UPK2: variants seen among roughly 807,000 people sequenced by gnomAD.
The protein encoded by UPK2 is uroplakin 2, also known as uroplakin-2.
In UPK2, 19 loss-of-function variants were observed where a neutral mutation model predicts 14.8. The ratio of observed to expected loss-of-function variants is 1.29; its 90% CI spans 0.90 to 1.89. The LOEUF is 1.89. Among genes scored for constraint, UPK2 ranks in the 40% most tolerant of loss-of-function variants. The probability of loss-of-function intolerance (pLI) is 0.00; values close to 1 mark genes in which losing one functional copy is unlikely to be tolerated. For missense variants in UPK2, 232 were observed against 236.0 expected (o/e 0.98, Z 0.11); for synonymous variants, 102 against 101.6 (o/e 1.00, Z -0.02).
intron 3 of UPK2, 95 bp from the exon 4 acceptor site, chr11:118,957,503 A>C: frequency 6.4e-7 from 1 of 1,550,940 alleles, no homozygotes; most frequent in Non-Finnish European, 8.9e-7. Context: ...TAGGGGAGAC[A>C]CAGCTGTGAG....
Position 118,957,306 on chromosome 11 carries a change from G to T in UPK2, c.307G>T (p.Ala103Ser), listed in dbSNP as rs1270419344. ...GAGFTVTRLS[A>S]YQVTNLVPGT... ...TGGCTTCACAGTCACTCGGCTCAGT[G>T]CATACCAGGTGACAAACCTCGTGCC... is the stretch of plus-strand genomic sequence containing the variant. Residue 103 changes from alanine (A) to serine (S), a missense_variant, in exon 3 of 5, where the codon GCA (alanine) becomes TCA (serine). Transcript: ENST00000264031. 6.2e-7 allele frequency: 1 copy of T among 1,614,142 alleles called. No individual in the cohort carries two copies.
rs917074372 is a variant in UPK2 at position 118,956,638 on chromosome 11, C to T, written c.76+212C>T. ...AGGTGTGGGCAAGGATCCGATGCTG[C>T]GGGGAGGGGTGAGGTTGGGCGCTGC... is the stretch of plus-strand genomic sequence containing the variant. On this transcript the variant is annotated intron_variant, in intron 1 of 4. Coordinates refer to ENST00000264031, the MANE Select transcript of UPK2 (RefSeq NM_006760.4). The surrounding 1 kb of genome is among the most constrained non-coding windows in gnomAD (Gnocchi z 4.1). Among the ~76,000 whole-genome samples the T allele has an allele frequency of 2.6e-5, 4 of 152,094 alleles. No individual in the cohort carries two copies. The highest frequency in any genetic ancestry group is 6.5e-5 in the Admixed American group (1 of 15,268).
chr11:118,956,825 A>G lies in UPK2; in HGVS notation c.77-58A>G. 1 of 1,608,358 alleles carries G rather than the reference A, an allele frequency of 6.2e-7. No homozygotes were observed. On this transcript the variant is annotated intron_variant, in intron 1 of 4. Coordinates refer to ENST00000264031, the MANE Select transcript of UPK2 (RefSeq NM_006760.4). This position sits in a 1 kb window ranked among gnomAD's most constrained non-coding sequence, Gnocchi z 4.1. Reference sequence around the variant, plus strand: ...GAGATGGCTCCAATGGGACCGGGCCAGATCTGTTGGCCAGGAGGGGTCAGT... The same window carrying G: ...GAGATGGCTCCAATGGGACCGGGCCGGATCTGTTGGCCAGGAGGGGTCAGT...
chr11:118,956,381 C>A lies in UPK2; in HGVS notation c.31C>A (p.Pro11Thr). 1 of 1,611,402 alleles carries A rather than the reference C, an allele frequency of 6.2e-7. No individual in the cohort carries two copies. The highest frequency in any genetic ancestry group is 8.5e-7 in the Non-Finnish European group (1 of 1,179,980). The change falls in exon 1 of 5, where the codon CCC becomes ACC. Residue 11 changes from proline to threonine, a missense_variant. Transcript: ENST00000264031. The surrounding 1 kb of genome is among the most constrained non-coding windows in gnomAD (Gnocchi z 4.1). Reference sequence around the variant, plus strand: ...ACCCCTGCTGCCCATCCGGACCTTGCCCTTGATCCTGATTCTGCTGGCTCT... The same window carrying A: ...ACCCCTGCTGCCCATCCGGACCTTGACCTTGATCCTGATTCTGCTGGCTCT... MAPLLPIRTLPLILILLALLS... is the reference protein window; with the variant it reads MAPLLPIRTLTLILILLALLS...
chr11:118,957,597 G>T lies in UPK2; in HGVS notation c.348-1G>T. 6.2e-7 allele frequency: 1 copy of T among 1,614,146 alleles called. No homozygotes were observed. The highest frequency in any genetic ancestry group is 1.3e-5 in the African/African-American group (1 of 75,024). On this transcript the variant is annotated splice_acceptor_variant, in intron 3 of 4. Coordinates refer to ENST00000264031, the MANE Select transcript of UPK2 (RefSeq NM_006760.4). LOFTEE classifies it high-confidence loss of function. ...CTCTACTCTCTCCCAAACCACAAAA[G>T]CATTTCCTACCTAGTGAAGAAGGGG...
Position 118,957,111 on chromosome 11 carries a change from C to T in UPK2, c.208+97C>T, listed in dbSNP as rs1343618116. Reference sequence around the variant, plus strand: ...TTCCCCATTCATGCCTTCCTGTCCACCCGTCTCCTGGGGTACCCACACTCT... The same window carrying T: ...TTCCCCATTCATGCCTTCCTGTCCATCCGTCTCCTGGGGTACCCACACTCT... On this transcript the variant is annotated intron_variant, in intron 2 of 4. Transcript: ENST00000264031. 9 of 1,605,844 alleles carry T rather than the reference C, an allele frequency of 5.6e-6. No individual in the cohort carries two copies. The East Asian group carries it at 6.7e-5, about 12-fold the overall frequency.
rs766444384 is a variant in UPK2 at position 118,956,418 on chromosome 11, G to A, written c.68G>A (p.Gly23Glu). ...ILILLALLSPGAADFNISSLS... is the reference protein window; with the variant it reads ...ILILLALLSPEAADFNISSLS... ...ATTCTGCTGGCTCTGCTGTCCCCAG[G>A]GGCTGCAGGTCTCTTCCATCTCTGG... The change falls in exon 1 of 5, where the codon GGG becomes GAG. Residue 23 changes from glycine (G) to glutamate (E), a missense_variant. By Grantham distance (98) the Gly-to-Glu change is moderately conservative. Coordinates refer to ENST00000264031, the MANE Select transcript of UPK2 (RefSeq NM_006760.4). This position sits in a 1 kb window ranked among gnomAD's most constrained non-coding sequence, Gnocchi z 4.1. The A allele has an allele frequency of 2.2e-5, 36 of 1,608,556 alleles. No homozygotes were observed. The highest frequency in any genetic ancestry group is 3.0e-5 in the Non-Finnish European group (35 of 1,179,912).
In UPK2 at chr11:118,958,065, C is replaced by T. The variant is rs189624631; in HGVS notation, c.419-32C>T. On this transcript the variant is annotated intron_variant, in intron 4 of 4. Coordinates refer to ENST00000264031, the MANE Select transcript of UPK2 (RefSeq NM_006760.4). This position sits in a 1 kb window ranked among gnomAD's most constrained non-coding sequence, Gnocchi z 4.6. ...CCTCAGGCAGGCTGGGGGTCTCTCC[C>T]GCCCACAGTGGTCTCCCCTCTCTTT... The T allele has an allele frequency of 2.4e-5, 39 of 1,592,454 alleles. No individual in the cohort carries two copies. The East Asian group carries it at 5.6e-4, about 23-fold the overall frequency.
intron 2 of UPK2, 31 bp downstream of exon 2, chr11:118,957,045 A>G (rs1466704650): frequency 6.2e-7 from 1 of 1,613,132 alleles, no homozygotes; most frequent in Non-Finnish European, 8.5e-7. Flanking sequence ...GCATCCCTCT[A>G]GTCCCCAAAG....
chr11:118,957,570 T>C lies in UPK2; in HGVS notation c.348-28T>C, dbSNP rs753961187. The stretch of plus-strand genomic sequence containing the variant: ...TGTAAGTCCCAATACTCACTGAGGG[T>C]TCTCTACTCTCTCCCAAACCACAAA... On this transcript the variant is annotated intron_variant, in intron 3 of 4. Coordinates refer to ENST00000264031, the MANE Select transcript of UPK2 (RefSeq NM_006760.4). 5.0e-6 allele frequency: 8 copies of C among 1,612,986 alleles called. No homozygotes were observed. In the African/African-American group the frequency reaches 8.0e-5, roughly 16 times the overall value.
In UPK2 at chr11:118,957,212, G is replaced by A. The variant is rs1941570108; in HGVS notation, c.213G>A (p.Val71=). The change falls in exon 3 of 5, where the codon GTG becomes GTA. Residue 71 remains valine, a synonymous_variant. Transcript: ENST00000264031. ...CCTCCCGCCACTTCTGCCCAGTGGT[G>A]ACGTCCAGCTTTGTGGTGCCTCCGT... The part of the protein sequence containing the change: ...MVRRANDSKV[V]TSSFVVPPCR... 4.3e-6 allele frequency: 7 copies of A among 1,614,072 alleles called. 1 individual carries two copies. In the Middle Eastern group the frequency reaches 6.6e-4, roughly 152 times the overall value.
Position 118,958,334 on chromosome 11 carries a change from G to A in UPK2, c.*101G>A. The A allele has an allele frequency of 7.3e-7, 1 of 1,376,960 alleles. No homozygotes were observed. Among genetic ancestry groups the A allele is most frequent in the Non-Finnish European group, 9.7e-7 (1 of 1,031,836 alleles). 85.3% of individuals were successfully genotyped at this position (1,376,960 alleles called of 1,614,324 possible). A position where few individuals can be genotyped will look rare whatever the true frequency, so the allele number is the denominator to read the frequency against. On this transcript the variant is annotated 3_prime_UTR_variant, in exon 5 of 5. Coordinates refer to ENST00000264031, the MANE Select transcript of UPK2 (RefSeq NM_006760.4). This position sits in a 1 kb window ranked among gnomAD's most constrained non-coding sequence, Gnocchi z 4.6. ...GCCCCAGGCCTGTGGCTCCCTTGGT[G>A]CCCTCGCCTCCTCCTCCTGCCCTCC...
rs1243706930 is a variant in UPK2 at position 118,956,517 on chromosome 11, A to G, written c.76+91A>G. The G allele has an allele frequency of 3.4e-6, 4 of 1,181,832 alleles. No homozygotes were observed. The highest frequency in any genetic ancestry group is 4.9e-6 in the Non-Finnish European group (4 of 824,168). The allele number at this position is 1,181,832 out of a possible 1,614,324, so 73.2% of individuals were successfully genotyped here. A position where few individuals can be genotyped will look rare whatever the true frequency, so the allele number is the denominator to read the frequency against. On this transcript the variant is annotated intron_variant, in intron 1 of 4. Transcript: ENST00000264031. This position sits in a 1 kb window ranked among gnomAD's most constrained non-coding sequence, Gnocchi z 4.1. Reference sequence around the variant, plus strand: ...CCAGGGCTCTCAAAGAGAGGTCTGGACAGTTGGGAGTCAGGGCTGGTGATG... The same window carrying G: ...CCAGGGCTCTCAAAGAGAGGTCTGGGCAGTTGGGAGTCAGGGCTGGTGATG...
rs1356569064 is a variant in UPK2, at chr11:118,956,696, G to A, written c.77-187G>A. ...CTGGCATCCAGGTTCTGGCTCTGGG[G>A]ACCGCTTGGTGGAGGGTGCAGCTTC... On this transcript the variant is annotated intron_variant, in intron 1 of 4. Transcript: ENST00000264031. This position sits in a 1 kb window ranked among gnomAD's most constrained non-coding sequence, Gnocchi z 4.1. Among the ~76,000 whole-genome samples, 2 of 152,168 alleles carry A rather than the reference G, an allele frequency of 1.3e-5. No homozygotes were observed. The highest frequency in any genetic ancestry group is 1.3e-4 in the Admixed American group (2 of 15,274).
Position 118,956,488 on chromosome 11 carries a change from C to T in UPK2, c.76+62C>T. 1.4e-6 allele frequency: 2 copies of T among 1,407,934 alleles called. No individual in the cohort carries two copies. Among genetic ancestry groups the T allele is most frequent in the Non-Finnish European group, 2.0e-6 (2 of 1,018,106 alleles). 87.2% of individuals were successfully genotyped at this position (1,407,934 alleles called of 1,614,324 possible). A position where few individuals can be genotyped will look rare whatever the true frequency, so the allele number is the denominator to read the frequency against. ...GGGGGCCTGGACAGGGAGCACTGTA[C>T]CTTCCAGGGCTCTCAAAGAGAGGTC... On this transcript the variant is annotated intron_variant, in intron 1 of 4. Coordinates refer to ENST00000264031, the MANE Select transcript of UPK2 (RefSeq NM_006760.4). This position sits in a 1 kb window ranked among gnomAD's most constrained non-coding sequence, Gnocchi z 4.1.
At chr11:118,957,753 T>A in intron 4 of UPK2, 85 bp downstream of exon 4, 1 of 1,537,668 alleles carries the variant, frequency 6.5e-7, no homozygotes, top group South Asian at 1.1e-5. Context: ...CAGTCTGGGT[T>A]GCCTGTGCCT....
intron 2 of UPK2, 58 bp from the exon 3 acceptor site, chr11:118,957,150 T>C: frequency 2.5e-6 from 4 of 1,612,398 alleles, no homozygotes; most frequent in Non-Finnish European, 1.7e-6. Context: ...AGCTGCCCCT[T>C]CTCCTTGGGG....
At position 118,956,959 on chromosome 11, in the gene UPK2, T is replaced by TCACCTCACAGGAGGCAATGC. The variant is rs747725119; in HGVS notation, c.157_176dup (p.Leu60SerfsTer8). ...GCCTGCTGGTTGCCTTGCCCCCCTGTCACCTCACAGGAGGCAATGCCACAC... is the reference window on the plus strand; with the variant it reads ...GCCTGCTGGTTGCCTTGCCCCCCTGTCACCTCACAGGAGGCAATGCCACCTCACAGGAGGCAATGCCACAC... On this transcript the variant is annotated frameshift_variant, in exon 2 of 5. Coordinates refer to ENST00000264031, the MANE Select transcript of UPK2 (RefSeq NM_006760.4). LOFTEE classifies it high-confidence loss of function. The surrounding 1 kb of genome is among the most constrained non-coding windows in gnomAD (Gnocchi z 4.1). 136 of 1,614,074 alleles carry TCACCTCACAGGAGGCAATGC rather than the reference T, an allele frequency of 8.4e-5. 3 individuals carry two copies. The South Asian group carries it at 1.4e-3, about 17-fold the overall frequency.
chr11:118,957,777 C>G, intron 4 of UPK2, 109 bp downstream of exon 4: 8 of 1,304,740 alleles, frequency 6.1e-6, no homozygotes, highest in Non-Finnish European at 8.7e-6. Context: ...CGTGCGCCCT[C>G]GGGGCCCCTG....
Sources: allele counts gnomAD v4.1 joint callset (sites outside exome capture counted in the v4.1 genomes callset), GRCh38; gene constraint gnomAD v4.1.1; non-coding constraint Gnocchi (gnomAD v3.1); transcripts MANE v1.5; gene names NCBI Gene and HGNC (gene_info 2026-07-23, HGNC 2026-07-21).